Variants in TMEM108 observed in about 807,000 individuals in gnomAD.
The protein encoded by TMEM108 is cancer/testis antigen 124.
A neutral mutation model predicts 35.1 loss-of-function variants in TMEM108; 12 were observed. The observed-to-expected ratio is 0.34, with a 90% CI of 0.22 to 0.55. The LOEUF (loss-of-function observed/expected upper bound fraction) is 0.55. Among genes scored for constraint, TMEM108 ranks in the 20% least tolerant of loss-of-function variants. The pLI, the probability that TMEM108 is intolerant of heterozygous loss-of-function variation, is 0.89. For missense variants in TMEM108, 680 were observed against 753.3 expected (o/e 0.90, Z 1.14); for synonymous variants, 287 against 308.6 (o/e 0.93, Z 0.73).
chr3:133,151,705 A>G (rs543611880), intron 2 of TMEM108, among the ~76,000 whole-genome samples: 2 of 152,330 alleles, frequency 1.3e-5, no homozygotes, highest in East Asian at 3.9e-4. Flanking sequence ...TATTTCATTG[A>G]CAGATCTTAC....
Position 133,359,465 on chromosome 3 carries a change from G to C in TMEM108, c.41-20287G>C, listed in dbSNP as rs1877582. Among the ~76,000 whole-genome samples, 47 of 152,280 alleles carry C rather than the reference G, an allele frequency of 3.1e-4. 1 individual carries two copies. Among genetic ancestry groups the C allele is most frequent in the African/African-American group, 9.9e-4 (41 of 41,552 alleles). On this transcript the variant is annotated intron_variant, in intron 3 of 5. Transcript: ENST00000321871. ...CAATAGCCAAGATACATTGTTAAGT[G>C]AGAAAAACAAGGTGTGTCCAGGACA... is the stretch of plus-strand genomic sequence containing the variant.
intron 2 of TMEM108, among the ~76,000 whole-genome samples, chr3:133,191,701 CAT>C (rs941440132): frequency 3.3e-5 from 5 of 152,148 alleles, no homozygotes; most frequent in African/African-American, 1.2e-4. Flanking sequence ...AGTCAAGATT[CAT>C]ATGTTATCAC....
intron 5 of TMEM108, among the ~76,000 whole-genome samples, chr3:133,393,785 C>G: frequency 6.6e-6 from 1 of 152,200 alleles, no homozygotes; most frequent in East Asian, 1.9e-4. Flanking sequence ...AAATGAAAAC[C>G]AAAGCCAAAG....
Position 133,336,030 on chromosome 3 carries a change from A to G in TMEM108, c.41-43722A>G, listed in dbSNP as rs1367712235. Among the ~76,000 whole-genome samples the G allele has an allele frequency of 2.0e-5, 3 of 152,280 alleles. No homozygotes were observed. In the East Asian group the frequency reaches 5.8e-4, roughly 29 times the overall value. On this transcript the variant is annotated intron_variant, in intron 3 of 5. Coordinates refer to ENST00000321871, the MANE Select transcript of TMEM108 (RefSeq NM_023943.4). ...GTATTTAAACCAGCCCTAGCCAGAG[A>G]GGAATTGCCCATCCCAGTAGTTGGA...
rs1169056628 is a variant in TMEM108 at position 133,261,825 on chromosome 3, CAG to C, written c.40+32476_40+32477del. On this transcript the variant is annotated intron_variant, in intron 3 of 5. Transcript: ENST00000321871. ...TATTTTAGCGGCTGCTTCAGGCAGA[CAG>C]ATGCATTCCCAGCTTGGATGTTAAT... Among the ~76,000 whole-genome samples the C allele has an allele frequency of 5.3e-5, 8 of 152,274 alleles. No homozygotes were observed. In the East Asian group the frequency reaches 1.5e-3, roughly 29 times the overall value.
At chr3:133,343,141 TTAGAG>T (rs1204294528) in intron 3 of TMEM108, among the ~76,000 whole-genome samples, 2 of 151,868 alleles carry the variant, frequency 1.3e-5, no homozygotes, top group African/African-American at 4.8e-5. Flanking sequence ...CTATTTGTCC[TTAGAG>T]AAGAGGAAAC....
intron 2 of TMEM108, among the ~76,000 whole-genome samples, chr3:133,182,472 G>A (rs1364538135): frequency 1.3e-5 from 2 of 152,096 alleles, no homozygotes; most frequent in Non-Finnish European, 2.9e-5. Context: ...ACATGAGAAG[G>A]GAATCCTGGG....
At chr3:133,113,993 T>C (rs1944256990) in intron 2 of TMEM108, among the ~76,000 whole-genome samples, 1 of 152,206 alleles carries the variant, frequency 6.6e-6, no homozygotes, top group South Asian at 2.1e-4. Flanking sequence ...AGCTACTACT[T>C]TCACATGAAG....
At chr3:133,047,576 C>T (rs184001123) in intron 2 of TMEM108, among the ~76,000 whole-genome samples, 84 of 152,136 alleles carry the variant, frequency 5.5e-4, no homozygotes, top group Non-Finnish European at 5.1e-4. Context: ...GGATGTTCAG[C>T]AGTGTCTTTG....
chr3:133,288,677 A>G (rs1947019591), intron 3 of TMEM108, among the ~76,000 whole-genome samples: 1 of 152,194 alleles, frequency 6.6e-6, no homozygotes, highest in Non-Finnish European at 1.5e-5. Flanking sequence ...ACACTTTAGG[A>G]TGCTCAGCAC....
At chr3:133,060,384 C>T (rs534309189) in intron 2 of TMEM108, among the ~76,000 whole-genome samples, 3 of 152,290 alleles carry the variant, frequency 2.0e-5, no homozygotes, top group East Asian at 3.9e-4. Flanking sequence ...ACAGATTTCT[C>T]CCCTGCCCTG....
At chr3:133,047,119 G>A (rs1943349379) in intron 2 of TMEM108, among the ~76,000 whole-genome samples, 1 of 152,132 alleles carries the variant, frequency 6.6e-6, no homozygotes, top group African/African-American at 2.4e-5. Context: ...ATAAAGCAAA[G>A]AAAGGGCAGC....
chr3:133,183,296 C>T (rs2107805969), intron 2 of TMEM108, among the ~76,000 whole-genome samples: 1 of 152,274 alleles, frequency 6.6e-6, no homozygotes, highest in East Asian at 1.9e-4. Flanking sequence ...ATACATTTCC[C>T]TCTTCCTCTT....
At chr3:133,075,981 G>A (rs1186047573) in intron 2 of TMEM108, among the ~76,000 whole-genome samples, 1 of 152,124 alleles carries the variant, frequency 6.6e-6, no homozygotes, top group African/African-American at 2.4e-5. Context: ...GCTAGGTAAG[G>A]GGTCAGGTGG....
intron 2 of TMEM108, among the ~76,000 whole-genome samples, chr3:133,208,240 C>T (rs1393740990): frequency 1.3e-5 from 2 of 152,176 alleles, no homozygotes; most frequent in Non-Finnish European, 1.5e-5. Flanking sequence ...CTAACAAGCT[C>T]CTGGGTGCTG....
At chr3:133,366,836 A>G in intron 3 of TMEM108, among the ~76,000 whole-genome samples, 1 of 152,112 alleles carries the variant, frequency 6.6e-6, no homozygotes, top group Non-Finnish European at 1.5e-5. Flanking sequence ...GTCATGCTGG[A>G]CCCTTGTTGA....
At chr3:133,064,034 T>C (rs1484265002) in intron 2 of TMEM108, among the ~76,000 whole-genome samples, 1 of 152,226 alleles carries the variant, frequency 6.6e-6, no homozygotes, top group Non-Finnish European at 1.5e-5. Flanking sequence ...TATTGCTTCT[T>C]TCCTTCCCAG....
chr3:133,188,297 A>G (rs1000661382), intron 2 of TMEM108, among the ~76,000 whole-genome samples: 3 of 152,160 alleles, frequency 2.0e-5, no homozygotes, highest in African/African-American at 7.2e-5. Context: ...TGAATGAATA[A>G]TTTGAAAGAG....
At chr3:133,265,403 C>T in intron 3 of TMEM108, among the ~76,000 whole-genome samples, 1 of 152,156 alleles carries the variant, frequency 6.6e-6, no homozygotes, top group East Asian at 1.9e-4. Flanking sequence ...ATCACTGTAG[C>T]CTGCAGTACA....
Sources: allele counts gnomAD v4.1 joint callset (sites outside exome capture counted in the v4.1 genomes callset), GRCh38; gene constraint gnomAD v4.1.1; transcripts MANE v1.5; gene names NCBI Gene and HGNC (gene_info 2026-07-23, HGNC 2026-07-21).